Variants in C19orf12 observed in about 807,000 individuals in gnomAD.
C19orf12 encodes chromosome 19 open reading frame 12, also known as protein C19orf12.
Under a neutral mutation model 3.8 loss-of-function variants are expected in C19orf12, and 2 were observed. The ratio of observed to expected loss-of-function variants is 0.53; its 90% CI spans 0.22 to 1.66. The LOEUF is 1.66. C19orf12 is among the 40% of genes most tolerant of loss of function. The pLI is 0.20. For missense variants in C19orf12, 156 were observed against 188.8 expected (o/e 0.83, Z 1.02); for synonymous variants, 89 against 84.6 (o/e 1.05, Z -0.28).
Position 29,702,652 on chromosome 19 carries a change from C to T in C19orf12, c.*60G>A, listed in dbSNP as rs1401761686. On this transcript the variant is annotated 3_prime_UTR_variant, in exon 3 of 3. Coordinates refer to ENST00000323670, the MANE Select transcript of C19orf12 (RefSeq NM_031448.6). ...CGCTGGGCTTCTCCCAACTCCCAAGCCACCTCTTCAGAATCACAGAGTCAT... is the reference window on the plus strand; with the variant it reads ...CGCTGGGCTTCTCCCAACTCCCAAGTCACCTCTTCAGAATCACAGAGTCAT... 6.2e-7 allele frequency: 1 copy of T among 1,609,892 alleles called. No individual in the cohort carries two copies. Among genetic ancestry groups the T allele is most frequent in the Non-Finnish European group, 8.5e-7 (1 of 1,178,828 alleles).
At chr19:29,709,432 C>T (rs183434991) in intron 1 of C19orf12, among the ~76,000 whole-genome samples, 5 of 152,332 alleles carry the variant, frequency 3.3e-5, no homozygotes, top group African/African-American at 4.8e-5. Context: ...TTCCCTTTCT[C>T]ACCAGCACTT....
At position 29,699,120 on chromosome 19, in the gene C19orf12, T is replaced by C. The variant is rs1331142115; in HGVS notation, c.*3592A>G. 1 of 453,966 alleles carries C rather than the reference T, an allele frequency of 2.2e-6. No individual in the cohort carries two copies. 28.1% of individuals were successfully genotyped at this position (453,966 alleles called of 1,614,324 possible). A position where few individuals can be genotyped will look rare whatever the true frequency, so the allele number is the denominator to read the frequency against. On this transcript the variant is annotated 3_prime_UTR_variant, in exon 3 of 3. Transcript: ENST00000323670. Reference sequence around the variant, plus strand: ...CATCAAAAATATTATTTAACATTCATTGATACAGGTGTTCAAAGGGGCATA... The same window carrying C: ...CATCAAAAATATTATTTAACATTCACTGATACAGGTGTTCAAAGGGGCATA...
intron 2 of C19orf12, chr19:29,705,402 CAAAAAA>C (rs34101444): frequency 3.7e-3 from 404 of 110,442 alleles, no homozygotes; most frequent in South Asian, 8.9e-3. Context: ...ATCCTGAAAC[CAAAAAA>C]AAAAAAAAAA....
chr19:29,714,846 C>T, intron 1 of C19orf12: 2 of 444,254 alleles, frequency 4.5e-6, no homozygotes, highest in Non-Finnish European at 9.0e-6. Flanking sequence ...CCCATGCCTA[C>T]GCCACTCCTG....
At chr19:29,712,881 T>G (rs1599554282) in intron 1 of C19orf12, among the ~76,000 whole-genome samples, 1 of 151,968 alleles carries the variant, frequency 6.6e-6, no homozygotes, top group African/African-American at 2.4e-5. Context: ...AAGCCCAGGG[T>G]TCTGCAGAAT....
At chr19:29,710,336 T>C (rs1048890215) in intron 1 of C19orf12, among the ~76,000 whole-genome samples, 1 of 152,164 alleles carries the variant, frequency 6.6e-6, no homozygotes, top group Admixed American at 6.5e-5. Flanking sequence ...CAGGAGAGCA[T>C]CCTGCGCTCC....
rs899119271 is a variant in C19orf12 at position 29,699,937 on chromosome 19, T to A, written c.*2775A>T. 9 of 454,066 alleles carry A rather than the reference T, an allele frequency of 2.0e-5. No homozygotes were observed. Among genetic ancestry groups the A allele is most frequent in the African/African-American group, 1.6e-4 (8 of 50,118 alleles). 28.1% of individuals were successfully genotyped at this position (454,066 alleles called of 1,614,324 possible). Reference sequence around the variant, plus strand: ...GGAAATCAAGAAAAGTGCTTTCGGCTCCTGGGGGAGATAAGACTCCAGGTT... The same window carrying A: ...GGAAATCAAGAAAAGTGCTTTCGGCACCTGGGGGAGATAAGACTCCAGGTT... On this transcript the variant is annotated 3_prime_UTR_variant, in exon 3 of 3. Transcript: ENST00000323670.
At chr19:29,715,500 C>T (rs760676412), upstream of C19orf12, 36 of 334,158 alleles carry the variant, frequency 1.1e-4, no homozygotes, top group Non-Finnish European at 3.8e-5. Flanking sequence ...AGGCCGCGCT[C>T]CCGCAGGCCC....
At chr19:29,712,707 A>G (rs1036569820) in intron 1 of C19orf12, among the ~76,000 whole-genome samples, 4 of 151,930 alleles carry the variant, frequency 2.6e-5, no homozygotes, top group African/African-American at 9.7e-5. Context: ...ATGGCAACCC[A>G]TCTTTCTGGG....
rs1458341079 is a variant in C19orf12, at chr19:29,700,008, C to A, written c.*2704G>T. 4 of 454,054 alleles carry A rather than the reference C, an allele frequency of 8.8e-6. No individual in the cohort carries two copies. The Admixed American group carries it at 9.4e-5, about 11-fold the overall frequency. 28.1% of individuals were successfully genotyped at this position (454,054 alleles called of 1,614,324 possible). On this transcript the variant is annotated 3_prime_UTR_variant, in exon 3 of 3. Transcript: ENST00000323670. ...AAAGCCTCCAAGTCACCCCAGGACC[C>A]AGCTAGTTCCAGTGTCTTCACTCAG...
intron 2 of C19orf12, among the ~76,000 whole-genome samples, chr19:29,703,965 G>A (rs965486255): frequency 2.0e-5 from 3 of 152,018 alleles, no homozygotes; most frequent in African/African-American, 7.2e-5. Flanking sequence ...ACTCCAGCCT[G>A]GGTGACAGAG....
chr19:29,707,871 C>CTT (rs199544563), intron 2 of C19orf12, among the ~76,000 whole-genome samples: 1 of 143,282 alleles, frequency 7.0e-6, no homozygotes. Flanking sequence ...TTTCTTTTTC[C>CTT]TTTTTTTTTT....
rs747141398 is a variant in C19orf12, at chr19:29,700,185, GAC to G, written c.*2525_*2526del. 26 of 454,060 alleles carry G rather than the reference GAC, an allele frequency of 5.7e-5. No individual in the cohort carries two copies. Among genetic ancestry groups the G allele is most frequent in the South Asian group, 3.7e-4 (24 of 64,434 alleles). 28.1% of individuals were successfully genotyped at this position (454,060 alleles called of 1,614,324 possible). ...GGGACCACCTGTGTCCCCTGGGCCT[GAC>G]ACAGACCAGGACCTGATGCACGAGT... On this transcript the variant is annotated 3_prime_UTR_variant, in exon 3 of 3. Transcript: ENST00000323670.
At chr19:29,709,593 G>A (rs1294769179) in intron 1 of C19orf12, among the ~76,000 whole-genome samples, 1 of 148,490 alleles carries the variant, frequency 6.7e-6, no homozygotes, top group African/African-American at 2.5e-5. Context: ...GCAGTGGCAT[G>A]ATCACAACTC....
chr19:29,700,402 G>GT lies in C19orf12; in HGVS notation c.*2309dup, dbSNP rs1481991826. 2 of 453,986 alleles carry GT rather than the reference G, an allele frequency of 4.4e-6. No individual in the cohort carries two copies. Among genetic ancestry groups the GT allele is most frequent in the African/African-American group, 2.0e-5 (1 of 50,000 alleles). 28.1% of individuals were successfully genotyped at this position (453,986 alleles called of 1,614,324 possible). ...ATTCTCACGATATCTGCAAATCAAC[G>GT]TTTTTTCCTTCACACTAAAAACGGG... On this transcript the variant is annotated 3_prime_UTR_variant, in exon 3 of 3. Transcript: ENST00000323670.
In C19orf12 at chr19:29,703,477, T is replaced by C. The variant is rs1599535928; in HGVS notation, c.161-500A>G. Among the ~76,000 whole-genome samples, 6 of 148,836 alleles carry C rather than the reference T, an allele frequency of 4.0e-5. No homozygotes were observed. In the South Asian group the frequency reaches 1.3e-3, roughly 32 times the overall value. ...CTCGCTGCAACCTCTGCCTCCCAGG[T>C]TCAAGCGATTCTCCCACCTCAGCCT... is the stretch of plus-strand genomic sequence containing the variant. On this transcript the variant is annotated intron_variant, in intron 2 of 2. Coordinates refer to ENST00000323670, the MANE Select transcript of C19orf12 (RefSeq NM_031448.6).
chr19:29,699,652 T>C lies in C19orf12; in HGVS notation c.*3060A>G. On this transcript the variant is annotated 3_prime_UTR_variant, in exon 3 of 3. Transcript: ENST00000323670. ...TTTCTAGGTTTTCAGCAACAAATAC[T>C]GACAAAAGGAAATGAACAGTTTTCA... 1 of 453,964 alleles carries C rather than the reference T, an allele frequency of 2.2e-6. No individual in the cohort carries two copies. The highest frequency in any genetic ancestry group is 2.4e-5 in the Admixed American group (1 of 42,552). The allele number at this position is 453,964 out of a possible 1,614,324, so 28.1% of individuals were successfully genotyped here.
chr19:29,701,508 C>CT lies in C19orf12; in HGVS notation c.*1203dup. The stretch of plus-strand genomic sequence containing the variant: ...TACGTGTTCAGTACCAATGCAATTT[C>CT]TTTTTTCAAATATTTCCTATCCAAG... On this transcript the variant is annotated 3_prime_UTR_variant, in exon 3 of 3. Coordinates refer to ENST00000323670, the MANE Select transcript of C19orf12 (RefSeq NM_031448.6). 2.2e-6 allele frequency: 1 copy of CT among 453,954 alleles called. No individual in the cohort carries two copies. The highest frequency in any genetic ancestry group is 2.4e-5 in the Admixed American group (1 of 42,542). 28.1% of individuals were successfully genotyped at this position (453,954 alleles called of 1,614,324 possible).
chr19:29,700,672 G>C lies in C19orf12; in HGVS notation c.*2040C>G, dbSNP rs1300386514. The C allele has an allele frequency of 2.2e-6, 1 of 454,086 alleles. No individual in the cohort carries two copies. The highest frequency in any genetic ancestry group is 1.6e-5 in the South Asian group (1 of 64,472). The allele number at this position is 454,086 out of a possible 1,614,324, so 28.1% of individuals were successfully genotyped here. On this transcript the variant is annotated 3_prime_UTR_variant, in exon 3 of 3. Transcript: ENST00000323670. ...TGGCTTCATTAACTCCAGGAGTGTG[G>C]CCTGTGCTAGGGCACCTGATTTGTG...
Sources: gnomAD v4.1 joint callset for allele counts (sites outside exome capture counted in the v4.1 genomes callset) on GRCh38, gnomAD v4.1.1 for gene constraint, MANE v1.5 for transcripts, NCBI Gene and HGNC (gene_info 2026-07-23, HGNC 2026-07-21) for gene names.